TPD52L1: variants seen among roughly 807,000 people sequenced by gnomAD.
The protein encoded by TPD52L1 is TPD52 like 1.
In TPD52L1, 18 loss-of-function variants were observed where a neutral mutation model predicts 28.7. The observed-to-expected ratio is 0.63, with a 90% CI of 0.43 to 0.93. The LOEUF is 0.93. Among genes scored for constraint, TPD52L1 ranks in the 40% least tolerant of loss-of-function variants. The pLI is 0.00. For missense variants in TPD52L1, 203 were observed against 254.8 expected (o/e 0.80, Z 1.39); for synonymous variants, 75 against 88.8 (o/e 0.84, Z 0.88).
chr6:125,249,521 A>T (rs1024300741), intron 4 of TPD52L1, among the ~76,000 whole-genome samples: 7 of 150,930 alleles, frequency 4.6e-5, no homozygotes, highest in African/African-American at 1.5e-4. Flanking sequence ...TCCATTAAAA[A>T]ATATATATAT....
chr6:125,248,042 CTGTATT>C (rs1378418524), intron 3 of TPD52L1, among the ~76,000 whole-genome samples: 2 of 152,202 alleles, frequency 1.3e-5, no homozygotes, highest in Admixed American at 6.5e-5. Context: ...ACATTCAGAT[CTGTATT>C]TGTATTTGTA....
At chr6:125,167,268 A>C (rs1011314003) in intron 1 of TPD52L1, among the ~76,000 whole-genome samples, 2 of 152,036 alleles carry the variant, frequency 1.3e-5, no homozygotes, top group Admixed American at 1.3e-4. Context: ...AAAACAAAAA[A>C]CAAAAAAACA....
Position 125,263,677 on chromosome 6 carries a change from C to T in TPD52L1, c.*715C>T, listed in dbSNP as rs1798178745. ...AAGATCAGCCTGGGCAACACAGACC[C>T]TGTCTCTACAAAAAAAGAAAAAAAT... On this transcript the variant is annotated 3_prime_UTR_variant, in exon 7 of 7. Coordinates refer to ENST00000534000, the MANE Select transcript of TPD52L1 (RefSeq NM_003287.4). 1 of 152,446 alleles carries T rather than the reference C, an allele frequency of 6.6e-6. No homozygotes were observed. The highest frequency in any genetic ancestry group is 2.4e-5 in the African/African-American group (1 of 41,414). The allele number at this position is 152,446 out of a possible 1,614,324, so 9.4% of individuals were successfully genotyped here.
chr6:125,254,794 A>G (rs1221583002), intron 5 of TPD52L1, among the ~76,000 whole-genome samples: 1 of 152,116 alleles, frequency 6.6e-6, no homozygotes, highest in African/African-American at 2.4e-5. Flanking sequence ...ATTAAATCTT[A>G]TTAAAGTTGT....
chr6:125,191,777 C>T (rs951518268), intron 1 of TPD52L1, among the ~76,000 whole-genome samples: 21 of 152,144 alleles, frequency 1.4e-4, no homozygotes, highest in Admixed American at 2.6e-4. Context: ...CCTTCAGATA[C>T]CTCTGTTTTT....
chr6:125,159,733 A>G (rs1001456938), intron 1 of TPD52L1, among the ~76,000 whole-genome samples: 1 of 151,874 alleles, frequency 6.6e-6, no homozygotes, highest in Non-Finnish European at 1.5e-5. Flanking sequence ...AGTCAAAATT[A>G]CTCCCTGATC....
intron 1 of TPD52L1, among the ~76,000 whole-genome samples, chr6:125,186,234 A>G (rs1792619920): frequency 6.6e-6 from 1 of 152,194 alleles, no homozygotes; most frequent in Non-Finnish European, 1.5e-5. Context: ...CTTTCTCCGT[A>G]AAGACCAGAG....
chr6:125,257,610 T>C (rs1329022539), intron 6 of TPD52L1, among the ~76,000 whole-genome samples: 1 of 152,166 alleles, frequency 6.6e-6, no homozygotes, highest in Non-Finnish European at 1.5e-5. Flanking sequence ...TGTTTATAAA[T>C]TCAGGTACTG....
Position 125,249,480 on chromosome 6 carries a change from A to G in TPD52L1, c.386+1097A>G, listed in dbSNP as rs138374009. Among the ~76,000 whole-genome samples, 1,087 of 151,852 alleles carry G rather than the reference A, an allele frequency of 7.2e-3. 15 individuals carry two copies. Among genetic ancestry groups the G allele is most frequent in the African/African-American group, 0.025 (1,033 of 41,452 alleles). ...GATCCCTTGAGGTCAGGAGTTAGAGACCAGCCTGACCAACATGGTGAGACC... is the reference window on the plus strand; with the variant it reads ...GATCCCTTGAGGTCAGGAGTTAGAGGCCAGCCTGACCAACATGGTGAGACC... On this transcript the variant is annotated intron_variant, in intron 4 of 6. Coordinates refer to ENST00000534000, the MANE Select transcript of TPD52L1 (RefSeq NM_003287.4).
At chr6:125,177,666 T>G (rs1429386917) in intron 1 of TPD52L1, among the ~76,000 whole-genome samples, 2 of 152,226 alleles carry the variant, frequency 1.3e-5, no homozygotes, top group Non-Finnish European at 2.9e-5. Context: ...GAAGAGACTG[T>G]TTAGAGGCTT....
intron 1 of TPD52L1, among the ~76,000 whole-genome samples, chr6:125,205,823 A>T (rs1025067414): frequency 1.3e-5 from 2 of 152,190 alleles, no homozygotes; most frequent in East Asian, 3.8e-4. Context: ...CATATGGAAG[A>T]ATGAGAAAGG....
chr6:125,226,468 C>A (rs1359631094), intron 2 of TPD52L1, among the ~76,000 whole-genome samples: 1 of 152,072 alleles, frequency 6.6e-6, no homozygotes, highest in Non-Finnish European at 1.5e-5. Context: ...TCACTCCCCA[C>A]CTCCAGATAA....
rs1562417231 is a variant in TPD52L1, at chr6:125,262,836, G to GA, written c.492dup (p.Val165SerfsTer7). 3 of 1,610,664 alleles carry GA rather than the reference G, an allele frequency of 1.9e-6. No homozygotes were observed. The highest frequency in any genetic ancestry group is 2.2e-5 in the South Asian group (2 of 90,230). Reference sequence around the variant, plus strand: ...TTTTGTGGATCTGCTCATTTCAGACGAAAGTAGGCGGTACGAACCCTAATG... The same window carrying GA: ...TTTTGTGGATCTGCTCATTTCAGACGAAAAGTAGGCGGTACGAACCCTAATG... On this transcript the variant is annotated frameshift_variant, in exon 7 of 7. Transcript: ENST00000534000. LOFTEE classifies it high-confidence loss of function.
intron 1 of TPD52L1, among the ~76,000 whole-genome samples, chr6:125,170,186 T>A (rs1234447976): frequency 6.6e-6 from 1 of 152,076 alleles, no homozygotes; most frequent in Non-Finnish European, 1.5e-5. Context: ...CCCTGGACTC[T>A]CTTTTCCAGG....
intron 1 of TPD52L1, among the ~76,000 whole-genome samples, chr6:125,178,553 G>A (rs569369040): frequency 1.4e-4 from 22 of 152,250 alleles, no homozygotes; most frequent in Admixed American, 1.2e-3. Context: ...CCCGGGAAGT[G>A]GAGGTTGTGG....
intron 5 of TPD52L1, among the ~76,000 whole-genome samples, chr6:125,254,507 G>C (rs1797473985): frequency 6.6e-6 from 1 of 152,040 alleles, no homozygotes; most frequent in South Asian, 2.1e-4. Context: ...TTAGCTGCTT[G>C]TCAAAGATGC....
intron 1 of TPD52L1, among the ~76,000 whole-genome samples, chr6:125,157,727 C>G (rs760675813): frequency 4.6e-5 from 7 of 152,148 alleles, no homozygotes; most frequent in African/African-American, 1.7e-4. Context: ...CCTTTCCCAA[C>G]GTCTTTAATG....
At chr6:125,195,202 G>C (rs766698460) in intron 1 of TPD52L1, among the ~76,000 whole-genome samples, 13 of 152,166 alleles carry the variant, frequency 8.5e-5, no homozygotes, top group Non-Finnish European at 1.3e-4. Context: ...AAGTTAATCT[G>C]TAACAAGGGT....
At chr6:125,216,978 A>G (rs1414336202) in intron 1 of TPD52L1, among the ~76,000 whole-genome samples, 1 of 152,162 alleles carries the variant, frequency 6.6e-6, no homozygotes, top group Non-Finnish European at 1.5e-5. Flanking sequence ...ATTTTGTAGG[A>G]TAATTATTTG....
Sources: gnomAD v4.1 joint callset for allele counts (sites outside exome capture counted in the v4.1 genomes callset) on GRCh38, gnomAD v4.1.1 for gene constraint, MANE v1.5 for transcripts, NCBI Gene and HGNC (gene_info 2026-07-23, HGNC 2026-07-21) for gene names.